Variants in KMT5B observed in about 807,000 individuals in gnomAD.
KMT5B encodes the protein lysine methyltransferase 5B.
A neutral mutation model predicts 83.2 loss-of-function variants in KMT5B; 10 were observed. The observed-to-expected ratio is 0.12, with a 90% CI of 0.07 to 0.20. The LOEUF is 0.20. Among genes scored for constraint, KMT5B ranks in the 10% least tolerant of loss-of-function variants. The probability of loss-of-function intolerance (pLI) is 1.00; values close to 1 mark genes in which losing one functional copy is unlikely to be tolerated. For synonymous variants in KMT5B, 349 were observed against 388.8 expected (o/e 0.90, Z 1.20); for missense variants, 753 against 1,067.2 (o/e 0.71, Z 4.10).
chr11:68,166,033 G>C, intron 10 of KMT5B: 2 of 1,597,642 alleles, frequency 1.3e-6, no homozygotes, highest in Non-Finnish European at 1.7e-6. Flanking sequence ...ATCTCAGAGG[G>C]CTCTAAGGTG....
chr11:68,189,046 C>T (rs1439059575), intron 2 of KMT5B, among the ~76,000 whole-genome samples: 2 of 152,106 alleles, frequency 1.3e-5, no homozygotes, highest in Admixed American at 1.3e-4. Context: ...TCGCATAAAC[C>T]CTAAAAGGTA....
intron 1 of KMT5B, among the ~76,000 whole-genome samples, chr11:68,194,958 T>A (rs1260613280): frequency 6.6e-6 from 1 of 152,156 alleles, no homozygotes; most frequent in Non-Finnish European, 1.5e-5. Flanking sequence ...GAGGACTGCT[T>A]GAGGCCAGGA....
chr11:68,181,356 A>G (rs1277701600), intron 3 of KMT5B, among the ~76,000 whole-genome samples: 1 of 152,176 alleles, frequency 6.6e-6, no homozygotes, highest in Non-Finnish European at 1.5e-5. Flanking sequence ...TACAGGCGTG[A>G]GCCATCACGC....
At chr11:68,165,261 G>C (rs1855210872) in intron 10 of KMT5B, among the ~76,000 whole-genome samples, 1 of 152,144 alleles carries the variant, frequency 6.6e-6, no homozygotes, top group African/African-American at 2.4e-5. Flanking sequence ...CCAGCACTTT[G>C]GGAGGCCAAG....
intron 6 of KMT5B, among the ~76,000 whole-genome samples, chr11:68,172,697 G>C (rs1471380402): frequency 6.6e-6 from 1 of 152,108 alleles, no homozygotes; most frequent in East Asian, 1.9e-4. Context: ...GGTGGCTACT[G>C]TACCGGACGG....
chr11:68,202,356 G>C (rs1859541677), intron 1 of KMT5B, among the ~76,000 whole-genome samples: 1 of 152,134 alleles, frequency 6.6e-6, no homozygotes, highest in African/African-American at 2.4e-5. Context: ...TCCCACCACA[G>C]GGCCTTTGCA....
rs775896559 is a variant in KMT5B at position 68,158,847 on chromosome 11, G to A, written c.1499C>T (p.Ala500Val). ...GCACCCGCTGGCAACTGCGGCTTGG[G>A]CTGGTCCCTCTGGCTCCTTATCTTT... ...IKKDKEPEGP[A>V]QAAVASGCLT... is the part of the protein sequence containing the mutation. The change falls in exon 11 of 11, where the codon GCC becomes GTC. Residue 500 changes from alanine to valine, a missense_variant. By Grantham distance (64) the Ala-to-Val change is moderately conservative. Transcript: ENST00000304363. The A allele has an allele frequency of 5.0e-6, 8 of 1,614,146 alleles. No individual in the cohort carries two copies. Among genetic ancestry groups the A allele is most frequent in the Non-Finnish European group, 6.8e-6 (8 of 1,180,038 alleles).
At chr11:68,174,229 A>G (rs1218153112) in intron 5 of KMT5B, 5 of 423,906 alleles carry the variant, frequency 1.2e-5, no homozygotes, top group African/African-American at 2.1e-5. Flanking sequence ...ACAATAAAAT[A>G]AACAAAAAAA....
intron 2 of KMT5B, among the ~76,000 whole-genome samples, chr11:68,186,645 A>C (rs1857463820): frequency 6.6e-6 from 1 of 152,258 alleles, no homozygotes; most frequent in South Asian, 2.1e-4. Flanking sequence ...AATGTAAAGA[A>C]GGAAATGAAG....
rs1377566130 is a variant in KMT5B, at chr11:68,171,202, A to G, written c.840+30T>C. On this transcript the variant is annotated intron_variant, in intron 8 of 10. Coordinates refer to ENST00000304363, the MANE Select transcript of KMT5B (RefSeq NM_017635.5). The surrounding 1 kb of genome is among the most constrained non-coding windows in gnomAD (Gnocchi z 5.1). Reference sequence around the variant, plus strand: ...AACTCACACCTGAAGCAAAAACAAAATACTTGAAGAAAATTTTTTTAATGC... The same window carrying G: ...AACTCACACCTGAAGCAAAAACAAAGTACTTGAAGAAAATTTTTTTAATGC... 2.5e-6 allele frequency: 4 copies of G among 1,602,772 alleles called. No homozygotes were observed. In the African/African-American group the frequency reaches 4.1e-5, roughly 16 times the overall value.
chr11:68,168,331 A>G (rs1366087099), intron 9 of KMT5B, among the ~76,000 whole-genome samples: 1 of 146,190 alleles, frequency 6.8e-6, no homozygotes, highest in African/African-American at 2.5e-5. Context: ...GCTTTTTGTT[A>G]TTAGAATTTT....
intron 1 of KMT5B, among the ~76,000 whole-genome samples, chr11:68,199,574 A>G (rs1360624193): frequency 2.0e-5 from 3 of 152,208 alleles, no homozygotes; most frequent in Non-Finnish European, 4.4e-5. Flanking sequence ...TCCCAGTGAG[A>G]GGGAAAGCAG....
chr11:68,198,249 T>C (rs1046064808), intron 1 of KMT5B, among the ~76,000 whole-genome samples: 5 of 152,064 alleles, frequency 3.3e-5, no homozygotes, highest in African/African-American at 1.2e-4. Context: ...CCAGGCGTGG[T>C]GTCACATGCC....
intron 1 of KMT5B, among the ~76,000 whole-genome samples, chr11:68,195,634 G>A (rs1858608800): frequency 6.6e-6 from 1 of 152,252 alleles, no homozygotes; most frequent in South Asian, 2.1e-4. Context: ...TAATTCTAAG[G>A]AGCAAGACTG....
At chr11:68,180,387 T>TC (rs988229925) in intron 3 of KMT5B, among the ~76,000 whole-genome samples, 187 bp from the exon 4 acceptor site, 2 of 152,210 alleles carry the variant, frequency 1.3e-5, no homozygotes, top group African/African-American at 4.8e-5. Flanking sequence ...ATTCTCTGCT[T>TC]CCCATAGAAC....
chr11:68,191,378 G>A (rs543722308), intron 1 of KMT5B, among the ~76,000 whole-genome samples: 4 of 152,010 alleles, frequency 2.6e-5, no homozygotes, highest in Admixed American at 2.0e-4. Context: ...CTGTCGCCCC[G>A]GCTAGAGTGC....
intron 10 of KMT5B, among the ~76,000 whole-genome samples, chr11:68,165,184 G>A (rs1345219268): frequency 7.2e-5 from 11 of 152,178 alleles, no homozygotes. Context: ...ATGGCAGCAC[G>A]AACCTAAGTG....
chr11:68,165,780 G>A (rs1185751830), intron 10 of KMT5B: 9 of 1,531,312 alleles, frequency 5.9e-6, no homozygotes, highest in Non-Finnish European at 7.9e-6. Flanking sequence ...ACTAACTCTT[G>A]TTGTTCACTC....
intron 10 of KMT5B, among the ~76,000 whole-genome samples, chr11:68,163,436 T>C (rs1013487451): frequency 5.3e-5 from 8 of 152,202 alleles, no homozygotes; most frequent in Non-Finnish European, 1.2e-4. Context: ...AGAATTATGG[T>C]GTTGGCCTCA....
Sources: allele counts gnomAD v4.1 joint callset (sites outside exome capture counted in the v4.1 genomes callset), GRCh38; gene constraint gnomAD v4.1.1; non-coding constraint Gnocchi (gnomAD v3.1); transcripts MANE v1.5; gene names NCBI Gene and HGNC (gene_info 2026-07-23, HGNC 2026-07-21).